Variants in RFX8 observed in about 807,000 individuals in gnomAD.
RFX8 encodes the protein DNA-binding protein RFX8.
RFX8 carries 46 observed loss-of-function variants against 54.6 expected under a neutral mutation model. That is an observed-to-expected ratio of 0.84 (90% CI 0.67 to 1.08). The LOEUF (loss-of-function observed/expected upper bound fraction) is 1.08, where lower values mean the gene tolerates loss of function less well. Ranked by LOEUF, RFX8 falls within the 50% of genes least tolerant of loss-of-function variation. RFX8 has a pLI of 0.00. For missense variants in RFX8, 536 were observed against 562.3 expected (o/e 0.95, Z 0.47); for synonymous variants, 192 against 209.5 (o/e 0.92, Z 0.72).
At chr2:101,457,301 G>A (rs988888596) in intron 2 of RFX8, among the ~76,000 whole-genome samples, 1 of 151,906 alleles carries the variant, frequency 6.6e-6, no homozygotes, top group African/African-American at 2.4e-5. Context: ...GTGATGTTAG[G>A]GTGTCGATTT....
At chr2:101,450,710 A>T (rs1480217592) in intron 2 of RFX8, 8 of 1,121,488 alleles carry the variant, frequency 7.1e-6, no homozygotes, top group Non-Finnish European at 1.3e-6. Context: ...CTTTAAATTT[A>T]TGTCTAACTA....
intron 2 of RFX8, among the ~76,000 whole-genome samples, chr2:101,439,918 G>A (rs577220490): frequency 2.2e-4 from 33 of 152,170 alleles, no homozygotes; most frequent in South Asian, 1.5e-3. Flanking sequence ...TCCAGTGATC[G>A]GTGTGTCCAT....
intron 2 of RFX8, among the ~76,000 whole-genome samples, chr2:101,463,540 G>A (rs1375437656): frequency 6.6e-6 from 1 of 152,216 alleles, no homozygotes; most frequent in Non-Finnish European, 1.5e-5. Context: ...ACTCTGCCTT[G>A]CGAGGCCCCC....
chr2:101,432,375 A>T (rs1398963990), intron 2 of RFX8, among the ~76,000 whole-genome samples: 1 of 152,146 alleles, frequency 6.6e-6, no homozygotes, highest in East Asian at 1.9e-4. Context: ...GGTCACCAGC[A>T]CCCTGAGTGT....
At chr2:101,445,723 C>A (rs1436206196) in intron 2 of RFX8, among the ~76,000 whole-genome samples, 1 of 152,084 alleles carries the variant, frequency 6.6e-6, no homozygotes, top group Non-Finnish European at 1.5e-5. Context: ...AGCCACTATG[C>A]CTGGTCTATT....
intron 2 of RFX8, among the ~76,000 whole-genome samples, chr2:101,463,776 T>TGC (rs1689418420): frequency 6.6e-6 from 1 of 151,606 alleles, no homozygotes; most frequent in Non-Finnish European, 1.5e-5. Flanking sequence ...CCCAGAGGGG[T>TGC]CAGGCCACAC....
At chr2:101,446,384 C>T (rs62154326) in intron 2 of RFX8, among the ~76,000 whole-genome samples, 1 of 151,876 alleles carries the variant, frequency 6.6e-6, no homozygotes, top group Non-Finnish European at 1.5e-5. Flanking sequence ...GTATGTTGGC[C>T]AGGCTGGTCT....
chr2:101,455,013 CTTTT>C (rs1025562619), intron 2 of RFX8, among the ~76,000 whole-genome samples: 1 of 129,550 alleles, frequency 7.7e-6, no homozygotes, highest in Non-Finnish European at 1.7e-5. Context: ...TTTTCTTTTT[CTTTT>C]TTCTTTTTTT....
intron 2 of RFX8, among the ~76,000 whole-genome samples, chr2:101,432,906 C>A (rs887694393): frequency 1.2e-4 from 19 of 152,136 alleles, no homozygotes; most frequent in African/African-American, 4.1e-4. Context: ...GACTCCCAGG[C>A]GAGTCCGTCC....
At position 101,402,759 on chromosome 2, in the gene RFX8, T is replaced by C. The variant is rs1399949957; in HGVS notation, c.929-7A>G. ...TGAAACAGATGCCAGGAGCCTACAT[T>C]TAGATAATAACCAAAAATGAATACA... On this transcript the variant is annotated splice_region_variant and splice_polypyrimidine_tract_variant and intron_variant, in intron 10 of 11. Coordinates refer to ENST00000428343, the MANE Select transcript of RFX8 (RefSeq NM_001145664.2). 3 of 1,537,716 alleles carry C rather than the reference T, an allele frequency of 2.0e-6. No homozygotes were observed. The highest frequency in any genetic ancestry group is 2.6e-6 in the Non-Finnish European group (3 of 1,137,716).
chr2:101,469,102 ATATAAG>A (rs1404803061), intron 1 of RFX8, among the ~76,000 whole-genome samples: 9 of 27,170 alleles, frequency 3.3e-4, no homozygotes, highest in South Asian at 1.3e-3. Context: ...AAGTATATAT[ATATAAG>A]TGTATATATA....
chr2:101,459,304 G>C (rs1210546546), intron 2 of RFX8, among the ~76,000 whole-genome samples: 1 of 152,282 alleles, frequency 6.6e-6, no homozygotes, highest in East Asian at 1.9e-4. Context: ...TCTGGTTTTC[G>C]GAATTTTCAG....
In RFX8 at chr2:101,438,622, G is replaced by A. The variant is rs765255808; in HGVS notation, c.73-16150C>T. Reference sequence around the variant, plus strand: ...CAAGGTGCAGTTGCTGGTTTGGGTGGTAAATTGTATGTTTGGTTTAATAAG... The same window carrying A: ...CAAGGTGCAGTTGCTGGTTTGGGTGATAAATTGTATGTTTGGTTTAATAAG... On this transcript the variant is annotated intron_variant, in intron 2 of 11. Coordinates refer to ENST00000428343, the MANE Select transcript of RFX8 (RefSeq NM_001145664.2). Among the ~76,000 whole-genome samples the A allele has an allele frequency of 2.0e-5, 3 of 152,264 alleles. No homozygotes were observed. In the East Asian group the frequency reaches 5.8e-4, roughly 29 times the overall value.
chr2:101,436,838 T>C (rs1223335346), intron 2 of RFX8, among the ~76,000 whole-genome samples: 2 of 152,180 alleles, frequency 1.3e-5, no homozygotes, highest in Non-Finnish European at 2.9e-5. Flanking sequence ...GGAGCCCTGC[T>C]CTGGTTCTGT....
intron 2 of RFX8, among the ~76,000 whole-genome samples, chr2:101,464,119 C>A (rs1689437011): frequency 6.6e-6 from 1 of 152,202 alleles, no homozygotes; most frequent in African/African-American, 2.4e-5. Flanking sequence ...TTCTCCAGCT[C>A]CTGCCGGTCC....
rs1685201649 is a variant in RFX8 at position 101,397,629 on chromosome 2, TC to T, written c.1340del (p.Gly447AspfsTer5). The T allele has an allele frequency of 6.4e-7, 1 of 1,551,346 alleles. No individual in the cohort carries two copies. Among genetic ancestry groups the T allele is most frequent in the Non-Finnish European group, 8.7e-7 (1 of 1,146,834 alleles). ...GQEALITLKD[G>X]QQFVIQISDV... Reference sequence around the variant, plus strand: ...CTGATATCTGAATCACAAATTGTTGTCCATCTTTTAGGGTTATGAGGGCTTC... The same window carrying T: ...CTGATATCTGAATCACAAATTGTTGTCATCTTTTAGGGTTATGAGGGCTTC... On this transcript the variant is annotated frameshift_variant, in exon 12 of 12. Coordinates refer to ENST00000428343, the MANE Select transcript of RFX8 (RefSeq NM_001145664.2). LOFTEE classifies it high-confidence loss of function.
intron 2 of RFX8, among the ~76,000 whole-genome samples, chr2:101,439,867 C>T (rs1344077007): frequency 2.0e-5 from 3 of 152,090 alleles, no homozygotes; most frequent in African/African-American, 7.2e-5. Context: ...TGAGCCACCG[C>T]GCATAGCCGA....
intron 11 of RFX8, among the ~76,000 whole-genome samples, chr2:101,400,490 A>AC (rs1467297483): frequency 6.6e-6 from 1 of 150,978 alleles, no homozygotes; most frequent in Non-Finnish European, 1.5e-5. Context: ...CCATCCATTG[A>AC]CCCCCACCTG....
chr2:101,461,643 C>A (rs1004593165), intron 2 of RFX8, among the ~76,000 whole-genome samples: 11 of 152,068 alleles, frequency 7.2e-5, no homozygotes, highest in Admixed American at 2.0e-4. Flanking sequence ...CCCAGACTAT[C>A]CTGTGATTTC....
Sources: gnomAD v4.1 joint callset for allele counts (sites outside exome capture counted in the v4.1 genomes callset) on GRCh38, gnomAD v4.1.1 for gene constraint, MANE v1.5 for transcripts, NCBI Gene and HGNC (gene_info 2026-07-23, HGNC 2026-07-21) for gene names.